The following TMEM233 variants were observed in gnomAD, a reference collection of about 807,000 sequenced individuals.
TMEM233 encodes transmembrane protein 233.
Under a neutral mutation model 11.2 loss-of-function variants are expected in TMEM233, and 6 were observed. That is an observed-to-expected ratio of 0.54 (90% confidence interval 0.29 to 1.06). The LOEUF (loss-of-function observed/expected upper bound fraction) is 1.06, where lower values mean the gene tolerates loss of function less well. Among genes scored for constraint, TMEM233 ranks in the 50% least tolerant of loss-of-function variants. The probability of loss-of-function intolerance (pLI) is 0.08; values close to 1 mark genes in which losing one functional copy is unlikely to be tolerated. For missense variants in TMEM233, 127 were observed against 144.7 expected (o/e 0.88, Z 0.63); for synonymous variants, 59 against 55.8 (o/e 1.06, Z -0.26).
downstream of TMEM233, among the ~76,000 whole-genome samples, chr12:119,643,461 A>G (rs1955111795): frequency 1.3e-5 from 2 of 152,152 alleles, no homozygotes; most frequent in Non-Finnish European, 2.9e-5. Flanking sequence ...TCCACTCGCA[A>G]AAGCACAGTT....
chr12:119,602,384 C>T (rs2136680810), intron 1 of TMEM233, among the ~76,000 whole-genome samples: 1 of 152,302 alleles, frequency 6.6e-6, no homozygotes, highest in Non-Finnish European at 1.5e-5. Context: ...TCCCAATGTT[C>T]TCTGGCTCTT....
At chr12:119,647,692 G>A (rs2136822021), downstream of TMEM233, among the ~76,000 whole-genome samples, 2 of 152,200 alleles carry the variant, frequency 1.3e-5, no homozygotes, top group Middle Eastern at 6.8e-3. Context: ...TGCCATGGTG[G>A]TTTGCTGCAC....
intron 1 of TMEM233, among the ~76,000 whole-genome samples, chr12:119,626,470 C>T (rs10849684): frequency 0.77 from 94,082 of 121,760 alleles, 36,702 homozygotes; most frequent in Middle Eastern, 0.86. Flanking sequence ...ACTCCGTCTC[C>T]GGAAAAAAAA....
rs1184720960 is a variant in TMEM233, at chr12:119,642,207, C to A, written c.*1502C>A. ...TGGTGGCTCACGCCTGTAATCCCAG[C>A]AATTTGAGAGGCTGAGATCACTTAA... On this transcript the variant is annotated 3_prime_UTR_variant, in exon 3 of 3. Coordinates refer to ENST00000426426, the MANE Select transcript of TMEM233 (RefSeq NM_001136534.3). The A allele has an allele frequency of 1.3e-5, 2 of 152,132 alleles. No individual in the cohort carries two copies. Among genetic ancestry groups the A allele is most frequent in the African/African-American group, 4.8e-5 (2 of 41,428 alleles). 9.4% of individuals were successfully genotyped at this position (152,132 alleles called of 1,614,324 possible).
In TMEM233 at chr12:119,615,185, A is replaced by AAAAAAAAAC. The variant is rs1164070234; in HGVS notation, c.187-14543_187-14542insCAAAAAAAA. 6.8e-3 allele frequency among the ~76,000 whole-genome samples: 965 copies of AAAAAAAAAC among 142,112 alleles called. 31 individuals are homozygous for AAAAAAAAAC. Among genetic ancestry groups the AAAAAAAAAC allele is most frequent in the African/African-American group, 0.027 (926 of 34,550 alleles). 93.2% of individuals were successfully genotyped at this position (142,112 alleles called of 152,430 possible). ...ACCCGCTTTCTGCTAAAAAAAAAAAAAAAAAAAAAAAAAAAAAAAAACTGC... is the reference window on the plus strand; with the variant it reads ...ACCCGCTTTCTGCTAAAAAAAAAAAAAAAAAAAACAAAAAAAAAAAAAAAAAAAAACTGC... On this transcript the variant is annotated intron_variant, in intron 1 of 2. Coordinates refer to ENST00000426426, the MANE Select transcript of TMEM233 (RefSeq NM_001136534.3).
At chr12:119,599,019 T>C (rs573646459) in intron 1 of TMEM233, among the ~76,000 whole-genome samples, 3 of 152,288 alleles carry the variant, frequency 2.0e-5, no homozygotes, top group Admixed American at 6.5e-5. Flanking sequence ...GACTAGCAAA[T>C]TTGATAAGAA....
chr12:119,623,356 G>A (rs1225247258), intron 1 of TMEM233, among the ~76,000 whole-genome samples: 2 of 152,126 alleles, frequency 1.3e-5, no homozygotes, highest in East Asian at 3.8e-4. Flanking sequence ...GTTTGGGAAG[G>A]TCTGAATTTA....
At chr12:119,609,380 A>G (rs1479232884) in intron 1 of TMEM233, among the ~76,000 whole-genome samples, 2 of 152,236 alleles carry the variant, frequency 1.3e-5, no homozygotes, top group African/African-American at 4.8e-5. Flanking sequence ...TAGAAAAGAG[A>G]AAGCTATTTT....
chr12:119,613,214 A>C (rs1284267514), intron 1 of TMEM233, among the ~76,000 whole-genome samples: 5 of 16,022 alleles, frequency 3.1e-4, no homozygotes, highest in Admixed American at 7.0e-4. Context: ...AGCCTGTTCC[A>C]AAAAAAAAAA....
downstream of TMEM233, among the ~76,000 whole-genome samples, chr12:119,646,534 G>A (rs1019198889): frequency 6.6e-6 from 1 of 152,242 alleles, no homozygotes; most frequent in African/African-American, 2.4e-5. Context: ...TTCGTAGAGA[G>A]AATCCCTTTT....
At chr12:119,596,074 G>C (rs1352709887) in intron 1 of TMEM233, among the ~76,000 whole-genome samples, 1 of 152,132 alleles carries the variant, frequency 6.6e-6, no homozygotes, top group Non-Finnish European at 1.5e-5. Context: ...CGTCGCATCC[G>C]GTTCCTTCCG....
chr12:119,634,252 G>A (rs944487698), intron 2 of TMEM233: 1 of 985,328 alleles, frequency 1.0e-6, no homozygotes, highest in African/African-American at 1.7e-5. Flanking sequence ...CATTAGAGGA[G>A]TCGAAGCCTG....
rs56347532 is a variant in TMEM233 at position 119,640,856 on chromosome 12, GAA to G, written c.*167_*168del. On this transcript the variant is annotated 3_prime_UTR_variant, in exon 3 of 3. Transcript: ENST00000426426. ...AGGCAGGTCCCTGGCAAATGAACAA[GAA>G]AAAAAAAAAAAAAAAGTCCAAAATT... The G allele has an allele frequency of 1.3e-3, 525 of 393,096 alleles. No homozygotes were observed. Among genetic ancestry groups the G allele is most frequent in the East Asian group, 4.2e-3 (90 of 21,222 alleles). 24.4% of individuals were successfully genotyped at this position (393,096 alleles called of 1,614,324 possible).
chr12:119,610,593 T>TG lies in TMEM233; in HGVS notation c.186+16559_186+16560insG, dbSNP rs1566101253. The stretch of plus-strand genomic sequence containing the variant: ...GGTTTCCCCCATGCTGTTCTCATGA[T>TG]AGTGAGTTCTCACGACATTATGATG... On this transcript the variant is annotated intron_variant, in intron 1 of 2. Transcript: ENST00000426426. 9.2e-5 allele frequency among the ~76,000 whole-genome samples: 14 copies of TG among 152,248 alleles called. 1 individual carries two copies. Among genetic ancestry groups the TG allele is most frequent in the African/African-American group, 2.6e-4 (11 of 41,526 alleles).
At chr12:119,608,602 G>C (rs1458873855) in intron 1 of TMEM233, among the ~76,000 whole-genome samples, 2 of 152,238 alleles carry the variant, frequency 1.3e-5, no homozygotes, top group African/African-American at 4.8e-5. Flanking sequence ...TTAAGAAGCT[G>C]GTTGGGGTGG....
rs1203698104 is a variant in TMEM233, at chr12:119,594,717, C to T, written c.186+683C>T. Among the ~76,000 whole-genome samples the T allele has an allele frequency of 1.3e-5, 2 of 152,164 alleles. No homozygotes were observed. The highest frequency in any genetic ancestry group is 2.9e-5 in the Non-Finnish European group (2 of 68,026). On this transcript the variant is annotated intron_variant, in intron 1 of 2. Transcript: ENST00000426426. The surrounding 1 kb of genome is among the most constrained non-coding windows in gnomAD (Gnocchi z 5.6). ...CCAACTTCCTCTCCTTGCCTCCCTC[C>T]GGCGCCCCCTTTTTAACGCGCCCGA... is the stretch of plus-strand genomic sequence containing the variant.
chr12:119,633,565 T>A (rs1954924996), intron 2 of TMEM233, among the ~76,000 whole-genome samples: 1 of 152,100 alleles, frequency 6.6e-6, no homozygotes, highest in Non-Finnish European at 1.5e-5. Flanking sequence ...CTAGCCTACA[T>A]GACAGAGTGA....
chr12:119,613,895 C>T (rs1954463736), intron 1 of TMEM233, among the ~76,000 whole-genome samples: 3 of 151,898 alleles, frequency 2.0e-5, no homozygotes, highest in African/African-American at 7.3e-5. Context: ...AGATGCTGGC[C>T]ACACGAGACA....
downstream of TMEM233, among the ~76,000 whole-genome samples, chr12:119,644,478 CTTTTTTTT>C (rs58075242): frequency 1.6e-5 from 2 of 127,006 alleles, no homozygotes; most frequent in African/African-American, 5.6e-5. Flanking sequence ...TTTTTCTTTT[CTTTTTTTT>C]TTTTTTTTTT....
Sources: gnomAD v4.1 joint callset for allele counts (sites outside exome capture counted in the v4.1 genomes callset) on GRCh38, gnomAD v4.1.1 for gene constraint, Gnocchi (gnomAD v3.1) non-coding constraint, MANE v1.5 for transcripts, NCBI Gene and HGNC (gene_info 2026-07-23, HGNC 2026-07-21) for gene names.